COA1: variants seen among roughly 807,000 people sequenced by gnomAD.
The protein encoded by COA1 is cytochrome c oxidase assembly factor 1 homolog.
COA1 carries 13 observed loss-of-function variants against 16.0 expected under a neutral mutation model. The ratio of observed to expected loss-of-function variants is 0.81; its 90% CI spans 0.53 to 1.29. The LOEUF (loss-of-function observed/expected upper bound fraction) is 1.29, where lower values mean the gene tolerates loss of function less well. COA1 is among the 50% of genes most tolerant of loss of function. COA1 has a pLI of 0.00. For synonymous variants in COA1, 65 were observed against 65.7 expected (o/e 0.99, Z 0.05); for missense variants, 179 against 177.0 (o/e 1.01, Z -0.06).
chr7:43,633,431 G>A (rs2085360912), intron 6 of COA1: 1 of 152,216 alleles, frequency 6.6e-6, no homozygotes. Context: ...AGAAAGACGA[G>A]GGAATGGCCA....
intron 2 of COA1, chr7:43,647,947 C>T (rs1432513345): frequency 2.6e-5 from 8 of 311,566 alleles, no homozygotes; most frequent in Non-Finnish European, 3.0e-5. Context: ...AGACTGTGTG[C>T]CAAGCCCCGC....
chr7:43,613,502 G>A (rs1055783793), intron 6 of COA1, among the ~76,000 whole-genome samples: 1 of 152,094 alleles, frequency 6.6e-6, no homozygotes, highest in African/African-American at 2.4e-5. Context: ...ACTATACTAG[G>A]ATTCTATCAC....
intron 3 of COA1, chr7:43,645,614 A>G (rs1283177422): frequency 2.0e-6 from 1 of 507,630 alleles, no homozygotes; most frequent in East Asian, 3.6e-5. Flanking sequence ...GGATGTGCAG[A>G]TGACCTTGGG....
chr7:43,648,503 C>T, intron 2 of COA1, 97 bp downstream of exon 2: 1 of 1,266,432 alleles, frequency 7.9e-7, no homozygotes, highest in South Asian at 1.2e-5. Context: ...CCAGGAGAAG[C>T]CCATAACTAT....
At chr7:43,624,681 A>G (rs1044141) in intron 6 of COA1, 1,262,725 of 1,613,812 alleles carry the variant, frequency 0.78, 496,256 homozygotes, top group African/African-American at 0.94. Flanking sequence ...ATCAGAAACC[A>G]AGGAATCCAT....
intron 1 of COA1, among the ~76,000 whole-genome samples, chr7:43,704,410 T>C (rs1339818873): frequency 1.3e-5 from 2 of 152,172 alleles, no homozygotes. Context: ...TCAATTATGT[T>C]TTCCAAGTCA....
intron 1 of COA1, among the ~76,000 whole-genome samples, chr7:43,655,289 T>C (rs1212407364): frequency 6.6e-6 from 1 of 152,166 alleles, no homozygotes; most frequent in Non-Finnish European, 1.5e-5. Flanking sequence ...AAATACAAAA[T>C]ATTAGCCGGG....
chr7:43,610,041 C>T (rs1486345356), intron 6 of COA1, among the ~76,000 whole-genome samples: 1 of 152,246 alleles, frequency 6.6e-6, no homozygotes, highest in African/African-American at 2.4e-5. Flanking sequence ...CCAGGGGCCA[C>T]TTTAAGAATT....
At chr7:43,664,475 T>C (rs538360948) in intron 1 of COA1, among the ~76,000 whole-genome samples, 1 of 152,276 alleles carries the variant, frequency 6.6e-6, no homozygotes, top group Admixed American at 6.5e-5. Context: ...CATAAAGAAA[T>C]ATAGAATATA....
chr7:43,672,816 G>C (rs951471487), intron 1 of COA1, among the ~76,000 whole-genome samples: 1 of 148,868 alleles, frequency 6.7e-6, no homozygotes, highest in Non-Finnish European at 1.5e-5. Flanking sequence ...GAAGGAAACA[G>C]ACACATATAC....
At chr7:43,634,196 G>A (rs890070406) in intron 6 of COA1, among the ~76,000 whole-genome samples, 1 of 151,974 alleles carries the variant, frequency 6.6e-6, no homozygotes, top group Admixed American at 6.6e-5. Context: ...GTTGGTGTCT[G>A]TTAACTCTCT....
downstream of COA1, among the ~76,000 whole-genome samples, chr7:43,637,597 C>T (rs1237057159): frequency 1.3e-5 from 2 of 152,170 alleles, no homozygotes; most frequent in Non-Finnish European, 1.5e-5. Flanking sequence ...TGCAAGTGTA[C>T]ATCACTGCTA....
intron 6 of COA1, among the ~76,000 whole-genome samples, chr7:43,628,355 C>T (rs2084820180): frequency 6.6e-6 from 1 of 152,108 alleles, no homozygotes; most frequent in Non-Finnish European, 1.5e-5. Context: ...TGTAGCTATC[C>T]TTCTGTTCAT....
chr7:43,719,694 T>C (rs899449401), intron 1 of COA1, among the ~76,000 whole-genome samples: 62 of 152,232 alleles, frequency 4.1e-4, no homozygotes, highest in African/African-American at 1.4e-3. Flanking sequence ...GATGGCTTCC[T>C]GACTACTATG....
chr7:43,651,563 C>CA (rs2090777984), intron 1 of COA1, among the ~76,000 whole-genome samples: 1 of 152,044 alleles, frequency 6.6e-6, no homozygotes, highest in Admixed American at 6.5e-5. Context: ...GAGGAAGCAT[C>CA]ACCAGGCGGA....
chr7:43,648,875 C>G (rs758386346), intron 1 of COA1: 55 of 464,278 alleles, frequency 1.2e-4, no homozygotes, highest in Non-Finnish European at 1.9e-4. Context: ...TGTCTGTGTC[C>G]TATGTAGTTT....
At chr7:43,711,538 T>C (rs1304448134) in intron 1 of COA1, 5 of 152,208 alleles carry the variant, frequency 3.3e-5, no homozygotes, top group African/African-American at 9.7e-5. Context: ...AAAAAGTTTG[T>C]ATTTTCACAT....
chr7:43,713,081 T>C (rs2095299783), intron 1 of COA1, among the ~76,000 whole-genome samples: 1 of 152,128 alleles, frequency 6.6e-6, no homozygotes, highest in African/African-American at 2.4e-5. Context: ...GCCTCCCAAA[T>C]AGCTGGGATG....
chr7:43,682,502 G>A (rs995389256), intron 1 of COA1, among the ~76,000 whole-genome samples: 1 of 152,140 alleles, frequency 6.6e-6, no homozygotes, highest in African/African-American at 2.4e-5. Flanking sequence ...TACAGAAAGT[G>A]AAGTAATCCG....
Sources: gnomAD v4.1 joint callset for allele counts (sites outside exome capture counted in the v4.1 genomes callset) on GRCh38, gnomAD v4.1.1 for gene constraint, MANE v1.5 for transcripts, NCBI Gene and HGNC (gene_info 2026-07-23, HGNC 2026-07-21) for gene names.